NAALADL2: variants seen among roughly 807,000 people sequenced by gnomAD.
NAALADL2 encodes the protein N-acetylated alpha-linked acidic dipeptidase like 2, also known as inactive N-acetylated-alpha-linked acidic dipeptidase-like protein 2.
A neutral mutation model predicts 87.2 loss-of-function variants in NAALADL2; 76 were observed. The observed-to-expected ratio is 0.87, with a 90% CI of 0.72 to 1.05. The LOEUF (loss-of-function observed/expected upper bound fraction) is 1.05, where lower values mean the gene tolerates loss of function less well. Ranked by LOEUF, NAALADL2 falls within the 50% of genes least tolerant of loss-of-function variation. The probability of loss-of-function intolerance (pLI) is 0.00; values close to 1 mark genes in which losing one functional copy is unlikely to be tolerated. For synonymous variants in NAALADL2, 354 were observed against 331.0 expected (o/e 1.07, Z -0.75); for missense variants, 1,089 against 945.8 (o/e 1.15, Z -1.99).
chr3:175,562,010 C>T (rs1309044472), intron 9 of NAALADL2, among the ~76,000 whole-genome samples: 7 of 152,170 alleles, frequency 4.6e-5, no homozygotes. Flanking sequence ...TTGTGTCTGT[C>T]TGCAAAATGC....
At chr3:174,722,782 A>G (rs913284416) in intron 2 of NAALADL2, among the ~76,000 whole-genome samples, 3 of 152,230 alleles carry the variant, frequency 2.0e-5, no homozygotes, top group Non-Finnish European at 4.4e-5. Context: ...ATGTAATGAA[A>G]CAAAATGTAG....
chr3:175,242,022 C>A (rs1440341250), intron 3 of NAALADL2, among the ~76,000 whole-genome samples: 2 of 151,742 alleles, frequency 1.3e-5, no homozygotes, highest in Middle Eastern at 3.4e-3. Flanking sequence ...CCCCCATGCC[C>A]AGCAAATTTT....
At chr3:174,903,963 C>A (rs966090896) in intron 1 of NAALADL2, among the ~76,000 whole-genome samples, 4 of 147,516 alleles carry the variant, frequency 2.7e-5, no homozygotes, top group Non-Finnish European at 5.9e-5. Context: ...ATATCTATAT[C>A]TATATCTATA....
At chr3:175,238,864 G>C (rs904079088) in intron 3 of NAALADL2, among the ~76,000 whole-genome samples, 1 of 152,104 alleles carries the variant, frequency 6.6e-6, no homozygotes, top group Admixed American at 6.5e-5. Context: ...CTGTCTTGCA[G>C]AGCCATTAAC....
chr3:175,077,049 A>G (rs1394956251), intron 1 of NAALADL2, among the ~76,000 whole-genome samples: 1 of 152,174 alleles, frequency 6.6e-6, no homozygotes, highest in African/African-American at 2.4e-5. Context: ...TGAAAGGTAA[A>G]TTAAAGGTTC....
intron 1 of NAALADL2, among the ~76,000 whole-genome samples, chr3:175,007,526 C>G (rs1452184453): frequency 6.6e-6 from 1 of 152,086 alleles, no homozygotes; most frequent in African/African-American, 2.4e-5. Flanking sequence ...AAGAAGGCCC[C>G]TGGGGCTATA....
chr3:174,853,458 T>C (rs1383422590), intron 3 of NAALADL2, among the ~76,000 whole-genome samples: 1 of 150,776 alleles, frequency 6.6e-6, no homozygotes, highest in Non-Finnish European at 1.5e-5. Context: ...GAAAATGCTC[T>C]AGGAAATGGG....
At chr3:175,161,658 T>C (rs1178817749) in intron 2 of NAALADL2, among the ~76,000 whole-genome samples, 1 of 113,530 alleles carries the variant, frequency 8.8e-6, no homozygotes, top group African/African-American at 3.5e-5. Flanking sequence ...GATGCTAAGA[T>C]GTTAGACAAT....
intron 9 of NAALADL2, among the ~76,000 whole-genome samples, chr3:175,495,020 C>G (rs1728610870): frequency 6.6e-6 from 1 of 150,514 alleles, no homozygotes; most frequent in South Asian, 2.1e-4. Flanking sequence ...AGTTATCATC[C>G]TGGGATTTCT....
intron 2 of NAALADL2, among the ~76,000 whole-genome samples, chr3:175,118,102 C>T (rs1321425507): frequency 1.6e-5 from 2 of 124,088 alleles, no homozygotes; most frequent in Non-Finnish European, 3.3e-5. Flanking sequence ...ACATCACACA[C>T]TGGGGCCTGT....
At chr3:174,840,774 T>C (rs1345402545) in intron 3 of NAALADL2, among the ~76,000 whole-genome samples, 1 of 152,154 alleles carries the variant, frequency 6.6e-6, no homozygotes, top group Non-Finnish European at 1.5e-5. Flanking sequence ...TTTGTAAATC[T>C]GGCCACCGTA....
chr3:174,706,499 A>C (rs754563743), intron 2 of NAALADL2, among the ~76,000 whole-genome samples: 1 of 152,224 alleles, frequency 6.6e-6, no homozygotes, highest in Non-Finnish European at 1.5e-5. Context: ...AAGAACACTC[A>C]TGAAAGTAAA....
intron 1 of NAALADL2, among the ~76,000 whole-genome samples, chr3:174,954,618 A>G (rs550679938): frequency 1.3e-5 from 2 of 152,018 alleles, no homozygotes; most frequent in Non-Finnish European, 2.9e-5. Flanking sequence ...TTTTGGTGCA[A>G]TGGGATATAA....
rs1161924293 is a variant in NAALADL2, at chr3:174,692,911, TGG to T, written c.-114-44729_-114-44728del. Among the ~76,000 whole-genome samples, 16 of 151,462 alleles carry T rather than the reference TGG, an allele frequency of 1.1e-4. No individual in the cohort carries two copies. In the South Asian group the frequency reaches 3.3e-3, roughly 32 times the overall value. On this transcript the variant is annotated intron_variant, in intron 2 of 3. Transcript: ENST00000434257. ...GAACTCAACTTGATAATAAAATTAT[TGG>T]TATAAAAGGTTCTATTTGTAGGGAC... is the stretch of plus-strand genomic sequence containing the variant.
chr3:175,255,745 C>G (rs1749820349), intron 3 of NAALADL2, among the ~76,000 whole-genome samples: 2 of 151,940 alleles, frequency 1.3e-5, no homozygotes, highest in Non-Finnish European at 2.9e-5. Context: ...ACACAGAGGA[C>G]TTATAAAAAT....
At chr3:175,200,947 G>A (rs1055187477) in intron 2 of NAALADL2, among the ~76,000 whole-genome samples, 2 of 152,004 alleles carry the variant, frequency 1.3e-5, no homozygotes, top group African/African-American at 2.4e-5. Flanking sequence ...CATTATCCTA[G>A]TATTTTTCCC....
chr3:174,949,245 A>T (rs1442114831), intron 1 of NAALADL2, among the ~76,000 whole-genome samples: 2 of 152,142 alleles, frequency 1.3e-5, no homozygotes, highest in Non-Finnish European at 2.9e-5. Context: ...TAGCCCTTCA[A>T]ATGGGCTTTC....
At chr3:174,759,306 C>G (rs1465483269) in intron 3 of NAALADL2, among the ~76,000 whole-genome samples, 2 of 152,124 alleles carry the variant, frequency 1.3e-5, no homozygotes, top group African/African-American at 4.8e-5. Flanking sequence ...AATCATGTAC[C>G]CTTTTCACAA....
chr3:175,041,414 A>G (rs915419992), intron 1 of NAALADL2, among the ~76,000 whole-genome samples: 1 of 152,158 alleles, frequency 6.6e-6, no homozygotes, highest in African/African-American at 2.4e-5. Context: ...TTCTTTAAAC[A>G]GTTTCTAAGT....
Sources: allele counts gnomAD v4.1 joint callset (sites outside exome capture counted in the v4.1 genomes callset), GRCh38; gene constraint gnomAD v4.1.1; transcripts MANE v1.5; gene names NCBI Gene and HGNC (gene_info 2026-07-23, HGNC 2026-07-21).